Variants in TRDN observed in about 807,000 individuals in gnomAD.
The protein encoded by TRDN is triadin.
TRDN carries 161 observed loss-of-function variants against 149.7 expected under a neutral mutation model. That is an observed-to-expected ratio of 1.08 (90% CI 0.95 to 1.23). TRDN has a LOEUF of 1.23. Ranked by LOEUF, TRDN falls within the 50% of genes most tolerant of loss-of-function variation. TRDN has a pLI of 0.00. For synonymous variants in TRDN, 294 were observed against 250.5 expected (o/e 1.17, Z -1.64); for missense variants, 896 against 823.5 (o/e 1.09, Z -1.08).
rs567188711 is a variant in TRDN, at chr6:123,529,847, GC to G, written c.484+658del. 2.0e-3 allele frequency among the ~76,000 whole-genome samples: 305 copies of G among 152,066 alleles called. 2 individuals are homozygous for G. The highest frequency in any genetic ancestry group is 6.9e-3 in the African/African-American group (287 of 41,520). ...AGAAGAATATATTTTTGAATGTCTT[GC>G]TTCCTATTAGTTTCTTTAAAGTTTT... On this transcript the variant is annotated intron_variant, in intron 5 of 40. Coordinates refer to ENST00000334268, the MANE Select transcript of TRDN (RefSeq NM_006073.4).
intron 4 of TRDN, among the ~76,000 whole-genome samples, chr6:123,531,153 A>G (rs912101835): frequency 9.9e-5 from 15 of 152,138 alleles, no homozygotes; most frequent in Admixed American, 7.2e-4. Context: ...AATATATTCA[A>G]TTTTCTGCTA....
chr6:123,626,336 A>G (rs982402812), intron 1 of TRDN, among the ~76,000 whole-genome samples: 3 of 152,094 alleles, frequency 2.0e-5, no homozygotes, highest in Non-Finnish European at 4.4e-5. Flanking sequence ...TACAAAAATT[A>G]GCCTGGCAGT....
intron 4 of TRDN, among the ~76,000 whole-genome samples, chr6:123,546,089 G>C (rs1166449349): frequency 6.6e-6 from 1 of 151,940 alleles, no homozygotes; most frequent in Admixed American, 6.6e-5. Context: ...CTCACTTAAA[G>C]CTTGACTATG....
intron 8 of TRDN, chr6:123,502,484 CTTTTTAAAATATATA>C (rs1778741876): frequency 5.8e-6 from 5 of 864,570 alleles, no homozygotes; most frequent in African/African-American, 1.8e-5. Context: ...AAAATCTTTC[CTTTTTAAAATATATA>C]TTTTTAAAAT....
intron 10 of TRDN, among the ~76,000 whole-genome samples, chr6:123,458,162 A>G (rs181805214): frequency 2.5e-4 from 38 of 152,270 alleles, no homozygotes; most frequent in African/African-American, 8.9e-4. Context: ...TGTGTTATCC[A>G]TCTCTCTGGA....
At chr6:123,546,463 G>C (rs1469551037) in intron 4 of TRDN, among the ~76,000 whole-genome samples, 1 of 152,042 alleles carries the variant, frequency 6.6e-6, no homozygotes, top group African/African-American at 2.4e-5. Context: ...TCCACAGTAG[G>C]TATTAGGAGA....
At chr6:123,252,850 A>G (rs868362225) in intron 37 of TRDN, among the ~76,000 whole-genome samples, 52 of 152,256 alleles carry the variant, frequency 3.4e-4, no homozygotes, top group African/African-American at 1.2e-3. Flanking sequence ...CAAAAAAGCT[A>G]TTCATCAAAG....
intron 5 of TRDN, chr6:123,529,121 C>G: frequency 1.4e-5 from 21 of 1,502,018 alleles, no homozygotes; most frequent in Non-Finnish European, 1.9e-5. Context: ...ACTACCGCCA[C>G]TCCAGCAGCA....
At chr6:123,373,193 G>A (rs1781385001) in intron 19 of TRDN, among the ~76,000 whole-genome samples, 1 of 152,140 alleles carries the variant, frequency 6.6e-6, no homozygotes, top group African/African-American at 2.4e-5. Flanking sequence ...GGACCCAGTG[G>A]GAGGTAATTG....
At chr6:123,584,396 C>G (rs202141676) in intron 1 of TRDN, among the ~76,000 whole-genome samples, 3 of 112,156 alleles carry the variant, frequency 2.7e-5, no homozygotes, top group Non-Finnish European at 6.2e-5. Context: ...AGACATGATG[C>G]CTAGGCTAAA....
At chr6:123,542,383 A>T (rs983230816) in intron 4 of TRDN, among the ~76,000 whole-genome samples, 2 of 152,204 alleles carry the variant, frequency 1.3e-5, no homozygotes, top group African/African-American at 4.8e-5. Flanking sequence ...AAAATTAAAG[A>T]TCAGTTTCTC....
At chr6:123,454,246 C>A (rs990161253) in intron 10 of TRDN, among the ~76,000 whole-genome samples, 10 of 151,974 alleles carry the variant, frequency 6.6e-5, no homozygotes, top group Non-Finnish European at 1.2e-4. Context: ...ACTCATGTAA[C>A]CAAATACCAC....
At chr6:123,556,221 T>G (rs1020216881) in intron 2 of TRDN, among the ~76,000 whole-genome samples, 1 of 152,116 alleles carries the variant, frequency 6.6e-6, no homozygotes, top group Non-Finnish European at 1.5e-5. Flanking sequence ...TTGCCATACT[T>G]AGGAATAAAT....
At chr6:123,292,927 G>C (rs935813212) in intron 24 of TRDN, among the ~76,000 whole-genome samples, 1 of 152,070 alleles carries the variant, frequency 6.6e-6, no homozygotes, top group African/African-American at 2.4e-5. Context: ...CAATCCCTTG[G>C]GAAACATCTC....
chr6:123,497,615 C>T (rs1314455874), intron 8 of TRDN, among the ~76,000 whole-genome samples: 3 of 152,078 alleles, frequency 2.0e-5, no homozygotes, highest in Non-Finnish European at 2.9e-5. Context: ...AATAATGAAA[C>T]AGAAGTTTCA....
At chr6:123,539,847 T>C (rs535534147) in intron 4 of TRDN, among the ~76,000 whole-genome samples, 1 of 152,338 alleles carries the variant, frequency 6.6e-6, no homozygotes, top group East Asian at 1.9e-4. Context: ...TAAAATTCCC[T>C]ATTTATAGCA....
intron 9 of TRDN, among the ~76,000 whole-genome samples, chr6:123,473,123 G>C (rs1263608965): frequency 1.3e-5 from 2 of 152,194 alleles, no homozygotes; most frequent in East Asian, 3.9e-4. Flanking sequence ...AGAGAAGAAG[G>C]CTTCAGACGA....
At chr6:123,277,383 T>C (rs1777405614) in intron 26 of TRDN, among the ~76,000 whole-genome samples, 1 of 152,134 alleles carries the variant, frequency 6.6e-6, no homozygotes, top group Non-Finnish European at 1.5e-5. Context: ...GAATGGACTG[T>C]TATGGATTTA....
chr6:123,554,049 C>T (rs534816428), intron 2 of TRDN, among the ~76,000 whole-genome samples: 59 of 152,256 alleles, frequency 3.9e-4, no homozygotes, highest in African/African-American at 1.2e-3. Context: ...AGTCACCACG[C>T]CCTCATAGCG....
Sources: allele counts gnomAD v4.1 joint callset (sites outside exome capture counted in the v4.1 genomes callset), GRCh38; gene constraint gnomAD v4.1.1; transcripts MANE v1.5; gene names NCBI Gene and HGNC (gene_info 2026-07-23, HGNC 2026-07-21).